ASTN2: variants seen among roughly 807,000 people sequenced by gnomAD.
ASTN2 encodes the protein astrotactin-2.
ASTN2 carries 54 observed loss-of-function variants against 139.8 expected under a neutral mutation model. The ratio of observed to expected loss-of-function variants is 0.39; its 90% CI spans 0.31 to 0.48. The LOEUF is 0.48. Among genes scored for constraint, ASTN2 ranks in the 20% least tolerant of loss-of-function variants. The pLI, the probability that ASTN2 is intolerant of heterozygous loss-of-function variation, is 0.95. For missense variants in ASTN2, 1,565 were observed against 1,725.1 expected, an observed-to-expected ratio of 0.91 and a Z score of 1.64; for synonymous variants, 756 against 719.5, an observed-to-expected ratio of 1.05 and a Z score of -0.81.
At chr9:116,877,315 T>G (rs769228948) in intron 10 of ASTN2, among the ~76,000 whole-genome samples, 26 of 65,936 alleles carry the variant, frequency 3.9e-4, no homozygotes, top group South Asian at 9.6e-4. Flanking sequence ...TAAGTGTGGG[T>G]TTTTTTTTGG....
intron 13 of ASTN2, among the ~76,000 whole-genome samples, chr9:116,735,600 C>T (rs938557467): frequency 2.0e-5 from 3 of 152,218 alleles, no homozygotes; most frequent in Non-Finnish European, 2.9e-5. Flanking sequence ...TAGATCTTCT[C>T]AGCCTAGTGG....
At chr9:116,462,473 T>A (rs894926851) in intron 20 of ASTN2, among the ~76,000 whole-genome samples, 3 of 152,196 alleles carry the variant, frequency 2.0e-5, no homozygotes, top group East Asian at 1.9e-4. Context: ...GCAATAATAA[T>A]CCTGTATTCT....
intron 6 of ASTN2, among the ~76,000 whole-genome samples, chr9:117,024,146 TG>T (rs1163937300): frequency 6.6e-6 from 1 of 152,188 alleles, no homozygotes; most frequent in Admixed American, 6.5e-5. Flanking sequence ...TACCCTTTTA[TG>T]CTCATCTCAG....
intron 4 of ASTN2, among the ~76,000 whole-genome samples, chr9:117,103,321 C>A (rs982394773): frequency 6.6e-6 from 1 of 152,090 alleles, no homozygotes; most frequent in Non-Finnish European, 1.5e-5. Context: ...CATGAGAATT[C>A]TTACCTCAAT....
chr9:116,447,338 C>T (rs1383971925), intron 20 of ASTN2, among the ~76,000 whole-genome samples: 1 of 152,172 alleles, frequency 6.6e-6, no homozygotes, highest in Non-Finnish European at 1.5e-5. Context: ...AGGTCAGCAC[C>T]CCTTCACTTC....
chr9:116,973,850 T>C, intron 10 of ASTN2, among the ~76,000 whole-genome samples: 1 of 152,214 alleles, frequency 6.6e-6, no homozygotes, highest in East Asian at 1.9e-4. Context: ...TCTATTCTTT[T>C]TAAAACATCC....
intron 10 of ASTN2, among the ~76,000 whole-genome samples, chr9:116,907,778 A>T (rs1315064179): frequency 6.6e-6 from 1 of 152,128 alleles, no homozygotes; most frequent in Non-Finnish European, 1.5e-5. Context: ...ATGGAGGATG[A>T]CAGAAGGCGG....
chr9:116,786,551 T>C (rs115477782), intron 13 of ASTN2, among the ~76,000 whole-genome samples: 12 of 152,306 alleles, frequency 7.9e-5, no homozygotes, highest in African/African-American at 2.9e-4. Context: ...GTTACTCTTG[T>C]TACTACAATC....
chr9:117,125,967 G>A (rs1829679544), intron 4 of ASTN2, among the ~76,000 whole-genome samples: 1 of 151,990 alleles, frequency 6.6e-6, no homozygotes, highest in Non-Finnish European at 1.5e-5. Flanking sequence ...CCATGTGATG[G>A]GGACAATTAG....
At chr9:117,368,663 T>C (rs1829910920) in intron 1 of ASTN2, among the ~76,000 whole-genome samples, 1 of 152,164 alleles carries the variant, frequency 6.6e-6, no homozygotes. Context: ...ATACTATTCG[T>C]CAGAACTCCC....
At chr9:116,844,036 A>G (rs1832351678) in intron 11 of ASTN2, among the ~76,000 whole-genome samples, 1 of 152,234 alleles carries the variant, frequency 6.6e-6, no homozygotes, top group African/African-American at 2.4e-5. Flanking sequence ...ACAAAAAAAT[A>G]AAAATAAGAT....
At chr9:117,096,745 G>C (rs1242496196) in intron 4 of ASTN2, among the ~76,000 whole-genome samples, 1 of 152,162 alleles carries the variant, frequency 6.6e-6, no homozygotes, top group Non-Finnish European at 1.5e-5. Context: ...TAGGAATATG[G>C]GGGAGTGCAA....
intron 17 of ASTN2, among the ~76,000 whole-genome samples, chr9:116,651,080 C>A (rs986588981): frequency 7.3e-6 from 1 of 137,488 alleles, no homozygotes; most frequent in South Asian, 2.3e-4. Context: ...CCACACCTGG[C>A]GAATCTTTGT....
At chr9:117,078,017 C>A in intron 5 of ASTN2, among the ~76,000 whole-genome samples, 1 of 152,156 alleles carries the variant, frequency 6.6e-6, no homozygotes, top group East Asian at 1.9e-4. Flanking sequence ...CAAGTCCCAG[C>A]CTATGTTAGC....
At chr9:117,084,021 A>G (rs1178364126) in intron 5 of ASTN2, among the ~76,000 whole-genome samples, 1 of 144,256 alleles carries the variant, frequency 6.9e-6, no homozygotes, top group Non-Finnish European at 1.5e-5. Flanking sequence ...GAAGTAGTCC[A>G]GAAGGGATCT....
intron 3 of ASTN2, among the ~76,000 whole-genome samples, chr9:117,144,181 T>A (rs951201950): frequency 1.3e-5 from 2 of 152,114 alleles, no homozygotes. Flanking sequence ...AGGGGTGGCA[T>A]CTGCAGGCCA....
At chr9:117,070,190 T>A (rs1413233772) in intron 5 of ASTN2, among the ~76,000 whole-genome samples, 1 of 131,386 alleles carries the variant, frequency 7.6e-6, no homozygotes, top group African/African-American at 2.9e-5. Context: ...CAGGAGCTCT[T>A]TTAGGGCAGG....
chr9:117,311,362 T>C (rs1362513264), intron 1 of ASTN2, among the ~76,000 whole-genome samples: 1 of 152,158 alleles, frequency 6.6e-6, no homozygotes, highest in African/African-American at 2.4e-5. Flanking sequence ...TCTGGAATGA[T>C]TTTCAGAGCC....
intron 1 of ASTN2, among the ~76,000 whole-genome samples, chr9:117,339,417 A>C (rs761930061): frequency 3.9e-5 from 6 of 152,078 alleles, no homozygotes; most frequent in Admixed American, 6.5e-5. Flanking sequence ...GTCTGCTGAG[A>C]TCTCACACAC....
Sources: gnomAD v4.1 joint callset for allele counts (sites outside exome capture counted in the v4.1 genomes callset) on GRCh38, gnomAD v4.1.1 for gene constraint, MANE v1.5 for transcripts, NCBI Gene and HGNC (gene_info 2026-07-23, HGNC 2026-07-21) for gene names.